PCDH9: variants seen among roughly 807,000 people sequenced by gnomAD.
PCDH9 encodes the protein protocadherin-9.
In PCDH9, 24 loss-of-function variants were observed where a neutral mutation model predicts 70.6. The observed-to-expected ratio is 0.34, with a 90% CI of 0.25 to 0.48. The LOEUF is 0.48. PCDH9 is among the 20% of genes least tolerant of loss of function. The probability of loss-of-function intolerance (pLI) is 0.99; values close to 1 mark genes in which losing one functional copy is unlikely to be tolerated. For missense variants in PCDH9, 1,281 were observed against 1,503.6 expected, an observed-to-expected ratio of 0.85 and a Z score of 2.45; for synonymous variants, 562 against 558.5, an observed-to-expected ratio of 1.01 and a Z score of -0.09.
intron 2 of PCDH9, among the ~76,000 whole-genome samples, chr13:67,153,889 C>T (rs1183350402): frequency 6.6e-6 from 1 of 152,102 alleles, no homozygotes; most frequent in East Asian, 1.9e-4. Flanking sequence ...GCATAAATGA[C>T]AAAAGCAATA....
At chr13:66,886,342 C>T (rs894767936) in intron 3 of PCDH9, among the ~76,000 whole-genome samples, 2 of 152,046 alleles carry the variant, frequency 1.3e-5, no homozygotes, top group Admixed American at 6.6e-5. Flanking sequence ...TCCAACCTCC[C>T]GCGCAAAACA....
chr13:67,064,937 T>C (rs2085616694), intron 2 of PCDH9, among the ~76,000 whole-genome samples: 1 of 147,428 alleles, frequency 6.8e-6, no homozygotes, highest in African/African-American at 2.5e-5. Flanking sequence ...GATAGATAGA[T>C]AGCAGAGAGG....
chr13:66,852,856 T>C (rs928196759), intron 3 of PCDH9, among the ~76,000 whole-genome samples: 1 of 152,164 alleles, frequency 6.6e-6, no homozygotes, highest in Non-Finnish European at 1.5e-5. Flanking sequence ...GCAAATCTAC[T>C]TGATTAGACT....
intron 4 of PCDH9, among the ~76,000 whole-genome samples, chr13:66,430,595 C>T (rs1957754196): frequency 6.6e-6 from 1 of 151,984 alleles, no homozygotes. Context: ...TGAGGGATGC[C>T]CACATGGTGA....
intron 2 of PCDH9, among the ~76,000 whole-genome samples, chr13:67,063,237 C>T (rs546031074): frequency 1.3e-4 from 20 of 152,098 alleles, no homozygotes; most frequent in African/African-American, 4.6e-4. Flanking sequence ...GACAATCTCC[C>T]GTAAGCAATT....
At chr13:67,212,543 C>T (rs936526928) in intron 2 of PCDH9, 5 of 152,064 alleles carry the variant, frequency 3.3e-5, no homozygotes, top group African/African-American at 1.2e-4. Context: ...TTTAAAAAGC[C>T]TAGCTGTGTA....
chr13:67,019,168 A>T (rs1191478515), intron 2 of PCDH9, among the ~76,000 whole-genome samples: 1 of 149,524 alleles, frequency 6.7e-6, no homozygotes, highest in Non-Finnish European at 1.5e-5. Flanking sequence ...GACCCTCCTT[A>T]ACACCTTCAG....
intron 3 of PCDH9, among the ~76,000 whole-genome samples, chr13:66,783,351 G>A (rs2080030003): frequency 6.7e-6 from 1 of 149,906 alleles, no homozygotes; most frequent in African/African-American, 2.5e-5. Flanking sequence ...AAAGTGACTG[G>A]CTAGGCTTTG....
At chr13:66,385,495 C>A (rs1956913378) in intron 4 of PCDH9, among the ~76,000 whole-genome samples, 1 of 152,146 alleles carries the variant, frequency 6.6e-6, no homozygotes, top group South Asian at 2.1e-4. Flanking sequence ...CAATTATTGA[C>A]TCATAAAATG....
At chr13:66,751,203 A>C (rs1325952527) in intron 3 of PCDH9, among the ~76,000 whole-genome samples, 1 of 152,072 alleles carries the variant, frequency 6.6e-6, no homozygotes, top group Non-Finnish European at 1.5e-5. Context: ...AATAGACTGC[A>C]ATTGATCAAA....
chr13:66,314,860 G>T (rs762254751), intron 4 of PCDH9, among the ~76,000 whole-genome samples: 18 of 152,184 alleles, frequency 1.2e-4, no homozygotes, highest in Non-Finnish European at 2.2e-4. Flanking sequence ...TTGAACCAGT[G>T]ATTGTGTTGA....
intron 2 of PCDH9, among the ~76,000 whole-genome samples, chr13:67,048,249 G>C (rs745974281): frequency 6.6e-6 from 1 of 152,182 alleles, no homozygotes; most frequent in Non-Finnish European, 1.5e-5. Context: ...ATGGAAACCA[G>C]TGTTTAATAG....
intron 2 of PCDH9, among the ~76,000 whole-genome samples, chr13:66,960,209 C>T (rs2083324704): frequency 6.6e-6 from 1 of 152,052 alleles, no homozygotes. Context: ...GATCATCAGC[C>T]AAAATTAGTT....
chr13:66,972,300 A>T (rs1202898885), intron 2 of PCDH9, among the ~76,000 whole-genome samples: 1 of 151,978 alleles, frequency 6.6e-6, no homozygotes, highest in Non-Finnish European at 1.5e-5. Context: ...TTTTTCTACC[A>T]AATATACAAG....
Position 66,943,819 on chromosome 13 carries a change from G to A in PCDH9, c.3037-40214C>T, listed in dbSNP as rs191768625. On this transcript the variant is annotated intron_variant, in intron 2 of 4. Coordinates refer to ENST00000377865, the MANE Select transcript of PCDH9 (RefSeq NM_203487.3). ...GAGGAAAATGAGACTGTAGATATACGTTGCTTTGGATGGCACCAATATGGG... is the reference window on the plus strand; with the variant it reads ...GAGGAAAATGAGACTGTAGATATACATTGCTTTGGATGGCACCAATATGGG... Among the ~76,000 whole-genome samples, 242 of 152,136 alleles carry A rather than the reference G, an allele frequency of 1.6e-3. 2 individuals carry two copies. The highest frequency in any genetic ancestry group is 4.4e-3 in the African/African-American group (183 of 41,526).
At chr13:66,875,711 A>G (rs1377740290) in intron 3 of PCDH9, among the ~76,000 whole-genome samples, 1 of 152,238 alleles carries the variant, frequency 6.6e-6, no homozygotes, top group Non-Finnish European at 1.5e-5. Context: ...GATTCTAAAA[A>G]GTAATCTTTC....
intron 4 of PCDH9, among the ~76,000 whole-genome samples, chr13:66,306,992 C>T (rs1046497236): frequency 3.4e-4 from 51 of 151,972 alleles, no homozygotes; most frequent in African/African-American, 1.2e-3. Flanking sequence ...TGCTTTTTGC[C>T]GGGCCTGTTT....
intron 2 of PCDH9, among the ~76,000 whole-genome samples, chr13:66,943,353 T>C (rs1038226928): frequency 2.0e-5 from 3 of 152,048 alleles, no homozygotes; most frequent in Non-Finnish European, 4.4e-5. Context: ...CTGTTTCAAG[T>C]AGGACAATGA....
intron 4 of PCDH9, among the ~76,000 whole-genome samples, chr13:66,402,461 T>C (rs1446259153): frequency 6.6e-6 from 1 of 152,044 alleles, no homozygotes; most frequent in Non-Finnish European, 1.5e-5. Context: ...TAACTGGGTA[T>C]ATAGAGTAAA....
Sources: gnomAD v4.1 joint callset for allele counts (sites outside exome capture counted in the v4.1 genomes callset) on GRCh38, gnomAD v4.1.1 for gene constraint, MANE v1.5 for transcripts, NCBI Gene and HGNC (gene_info 2026-07-23, HGNC 2026-07-21) for gene names.